Variants in HCN1 observed in about 807,000 individuals in gnomAD.
The protein encoded by HCN1 is potassium/sodium hyperpolarization-activated cyclic nucleotide-gated channel 1.
In HCN1, 13 loss-of-function variants were observed where a neutral mutation model predicts 78.9. The ratio of observed to expected loss-of-function variants is 0.16; its 90% CI spans 0.11 to 0.26. The LOEUF is 0.26. HCN1 is among the 10% of genes least tolerant of loss of function. The pLI, the probability that HCN1 is intolerant of heterozygous loss-of-function variation, is 1.00. For synonymous variants in HCN1, 552 were observed against 455.5 expected (o/e 1.21, Z -2.70); for missense variants, 810 against 1,154.3 (o/e 0.70, Z 4.32).
At chr5:45,349,180 A>C (rs1746827875) in intron 5 of HCN1, among the ~76,000 whole-genome samples, 1 of 152,224 alleles carries the variant, frequency 6.6e-6, no homozygotes, top group African/African-American at 2.4e-5. Context: ...TGTCTCTCAG[A>C]CCACAGTGCA....
At position 45,432,391 on chromosome 5, in the gene HCN1, C is replaced by T. The variant is rs185262973; in HGVS notation, c.1011+29455G>A. Among the ~76,000 whole-genome samples the T allele has an allele frequency of 2.4e-4, 37 of 152,174 alleles. No homozygotes were observed. In the East Asian group the frequency reaches 7.2e-3, roughly 29 times the overall value. ...TTTTCTCTGCAAAGGGATAGTTTGACTTCATCTCTTCCCATTTGGATGCTT... is the reference window on the plus strand; with the variant it reads ...TTTTCTCTGCAAAGGGATAGTTTGATTTCATCTCTTCCCATTTGGATGCTT... On this transcript the variant is annotated intron_variant, in intron 3 of 7. Transcript: ENST00000303230.
intron 1 of HCN1, among the ~76,000 whole-genome samples, chr5:45,682,070 T>G (rs1739711327): frequency 6.6e-6 from 1 of 151,862 alleles, no homozygotes; most frequent in Middle Eastern, 3.2e-3. Context: ...TCTACCCTGC[T>G]AGGTTATAGT....
intron 3 of HCN1, among the ~76,000 whole-genome samples, chr5:45,422,754 T>C (rs954222733): frequency 6.6e-6 from 1 of 152,108 alleles, no homozygotes; most frequent in African/African-American, 2.4e-5. Context: ...TTAAAAAATA[T>C]ATATATCACT....
chr5:45,412,387 C>G (rs1352894868), intron 3 of HCN1, among the ~76,000 whole-genome samples: 1 of 152,016 alleles, frequency 6.6e-6, no homozygotes, highest in East Asian at 1.9e-4. Flanking sequence ...TACAAGCAAA[C>G]GTGGTAGCAC....
intron 2 of HCN1, among the ~76,000 whole-genome samples, chr5:45,471,056 A>G (rs752029996): frequency 8.6e-5 from 13 of 151,980 alleles, no homozygotes; most frequent in Admixed American, 1.3e-4. Flanking sequence ...GTCTGGATAT[A>G]GAATTCTAGA....
chr5:45,349,559 C>G (rs148722188), intron 5 of HCN1, among the ~76,000 whole-genome samples: 1 of 151,892 alleles, frequency 6.6e-6, no homozygotes, highest in Non-Finnish European at 1.5e-5. Context: ...CACAAAAAAC[C>G]CTTCAAAAAA....
At chr5:45,466,250 T>G (rs1741268700) in intron 2 of HCN1, among the ~76,000 whole-genome samples, 1 of 152,220 alleles carries the variant, frequency 6.6e-6, no homozygotes, top group Admixed American at 6.5e-5. Context: ...TCTAATAGCT[T>G]GTATATAAAA....
intron 3 of HCN1, among the ~76,000 whole-genome samples, chr5:45,451,736 G>A (rs758675520): frequency 2.6e-5 from 4 of 151,750 alleles, no homozygotes; most frequent in African/African-American, 7.3e-5. Context: ...AATCTGAAAA[G>A]TCACCTAAAG....
At chr5:45,447,923 G>C (rs1474340967) in intron 3 of HCN1, among the ~76,000 whole-genome samples, 3 of 151,654 alleles carry the variant, frequency 2.0e-5, no homozygotes, top group Non-Finnish European at 4.4e-5. Context: ...AGGCTAATCT[G>C]TTATGACTTG....
At chr5:45,327,369 G>C (rs1474646361) in intron 5 of HCN1, among the ~76,000 whole-genome samples, 1 of 151,404 alleles carries the variant, frequency 6.6e-6, no homozygotes, top group Non-Finnish European at 1.5e-5. Context: ...TGGAGAATTT[G>C]GTAAAAACTT....
At chr5:45,385,430 G>A (rs1747891530) in intron 4 of HCN1, among the ~76,000 whole-genome samples, 1 of 151,724 alleles carries the variant, frequency 6.6e-6, no homozygotes, top group Admixed American at 6.6e-5. Context: ...AACTTCCTGG[G>A]GCTTGCAAGA....
At chr5:45,395,689 T>C (rs1055851030) in intron 4 of HCN1, among the ~76,000 whole-genome samples, 3 of 152,202 alleles carry the variant, frequency 2.0e-5, no homozygotes, top group African/African-American at 7.2e-5. Flanking sequence ...GCAAGGTGCA[T>C]GACTCTGTCA....
In HCN1 at chr5:45,462,023, T is replaced by C. The variant is rs758743846; in HGVS notation, c.850-16A>G. The C allele has an allele frequency of 2.2e-5, 35 of 1,605,870 alleles. No individual in the cohort carries two copies. The South Asian group carries it at 3.6e-4, about 17-fold the overall frequency. On this transcript the variant is annotated splice_polypyrimidine_tract_variant and intron_variant, in intron 2 of 7. Coordinates refer to ENST00000303230, the MANE Select transcript of HCN1 (RefSeq NM_021072.4). ...TGTGGAATATCTGTTGACCAAAATATAAAATCAATTCTTATAATCAATTTT... is the reference window on the plus strand; with the variant it reads ...TGTGGAATATCTGTTGACCAAAATACAAAATCAATTCTTATAATCAATTTT...
intron 3 of HCN1, among the ~76,000 whole-genome samples, chr5:45,438,614 A>C (rs1005700600): frequency 2.0e-5 from 3 of 151,818 alleles, no homozygotes; most frequent in Non-Finnish European, 4.4e-5. Context: ...AAAACAAACA[A>C]AAAAAGAAAA....
chr5:45,647,773 C>T (rs1191671878), intron 1 of HCN1, among the ~76,000 whole-genome samples: 1 of 152,112 alleles, frequency 6.6e-6, no homozygotes, highest in East Asian at 1.9e-4. Flanking sequence ...TGGAATAACT[C>T]TATGTGTGAT....
chr5:45,300,799 T>C (rs181272747), intron 6 of HCN1, among the ~76,000 whole-genome samples: 2 of 152,200 alleles, frequency 1.3e-5, no homozygotes, highest in East Asian at 1.9e-4. Flanking sequence ...CATTCAAACA[T>C]TAATTCTCTG....
chr5:45,274,201 A>G (rs1234823107), intron 6 of HCN1, among the ~76,000 whole-genome samples: 1 of 152,178 alleles, frequency 6.6e-6, no homozygotes, highest in Non-Finnish European at 1.5e-5. Flanking sequence ...GGGTATAACT[A>G]GTCATTTCAA....
At chr5:45,366,624 C>T (rs1294635576) in intron 4 of HCN1, among the ~76,000 whole-genome samples, 1 of 151,622 alleles carries the variant, frequency 6.6e-6, no homozygotes, top group Non-Finnish European at 1.5e-5. Flanking sequence ...AAATTTAAAG[C>T]AACTGAATAT....
intron 2 of HCN1, among the ~76,000 whole-genome samples, chr5:45,631,967 T>A (rs754656728): frequency 1.4e-4 from 21 of 152,148 alleles, no homozygotes; most frequent in Admixed American, 3.9e-4. Context: ...AAATAATTAA[T>A]CTGATACGTT....
Sources: gnomAD v4.1 joint callset for allele counts (sites outside exome capture counted in the v4.1 genomes callset) on GRCh38, gnomAD v4.1.1 for gene constraint, MANE v1.5 for transcripts, NCBI Gene and HGNC (gene_info 2026-07-23, HGNC 2026-07-21) for gene names.